Variants in CELF2 observed in about 807,000 individuals in gnomAD.
CELF2 encodes CUGBP Elav-like family member 2.
Under a neutral mutation model 62.6 loss-of-function variants are expected in CELF2, and 8 were observed. The ratio of observed to expected loss-of-function variants is 0.13; its 90% CI spans 0.07 to 0.23. CELF2 has a LOEUF of 0.23. CELF2 is among the 10% of genes least tolerant of loss of function. CELF2 has a pLI of 1.00. For synonymous variants in CELF2, 258 were observed against 250.0 expected (o/e 1.03, Z -0.30); for missense variants, 333 against 671.0 (o/e 0.50, Z 5.56).
At chr10:11,061,331 T>C (rs2066673241) in intron 1 of CELF2, among the ~76,000 whole-genome samples, 1 of 152,184 alleles carries the variant, frequency 6.6e-6, no homozygotes. Context: ...CTTCAATTCT[T>C]TGAAGGATGA....
At chr10:10,694,208 T>G in the CELF2 span, among the ~76,000 whole-genome samples, 146 of 152,240 alleles carry the variant, frequency 9.6e-4, no homozygotes, top group Non-Finnish European at 1.5e-3. Context: ...TCTGGTATGT[T>G]GTGTCTTTGT....
chr10:11,027,968 G>A (rs1448406427), intron 1 of CELF2, among the ~76,000 whole-genome samples: 1 of 152,152 alleles, frequency 6.6e-6, no homozygotes, highest in East Asian at 1.9e-4. Context: ...CGCATTTCCC[G>A]GGAGAATCAA....
chr10:10,462,622 T>C, the CELF2 span, among the ~76,000 whole-genome samples: 1 of 147,232 alleles, frequency 6.8e-6, no homozygotes, highest in Admixed American at 6.8e-5. Flanking sequence ...CATCTTTTTT[T>C]TTTTTTTTTT....
intron 1 of CELF2, among the ~76,000 whole-genome samples, chr10:10,914,132 A>C (rs1247529663): frequency 7.8e-5 from 1 of 12,840 alleles, no homozygotes; most frequent in Non-Finnish European, 2.8e-4. Flanking sequence ...ACCTTTTTTT[A>C]AAAAAAAAAA....
At chr10:10,709,033 T>C in the CELF2 span, among the ~76,000 whole-genome samples, 2 of 152,232 alleles carry the variant, frequency 1.3e-5, no homozygotes, top group Non-Finnish European at 2.9e-5. Flanking sequence ...ACGTATGCAA[T>C]ATATGCTTAA....
intron 1 of CELF2, among the ~76,000 whole-genome samples, chr10:11,033,859 C>T (rs566816212): frequency 4.6e-5 from 7 of 152,256 alleles, no homozygotes; most frequent in South Asian, 2.1e-4. Flanking sequence ...TTAGGACTTA[C>T]GAGTTACAAG....
At chr10:11,228,522 A>G (rs1264110125) in intron 3 of CELF2, among the ~76,000 whole-genome samples, 2 of 152,226 alleles carry the variant, frequency 1.3e-5, no homozygotes, top group African/African-American at 2.4e-5. Flanking sequence ...ATGATAAGAA[A>G]GAGACCTTTC....
intron 2 of CELF2, among the ~76,000 whole-genome samples, chr10:10,932,729 A>T (rs966100831): frequency 6.6e-6 from 1 of 152,006 alleles, no homozygotes; most frequent in East Asian, 1.9e-4. Context: ...ATTAAGTAAC[A>T]TATACCTGGA....
intron 1 of CELF2, among the ~76,000 whole-genome samples, chr10:10,807,901 T>C (rs994587940): frequency 6.6e-6 from 1 of 152,188 alleles, no homozygotes; most frequent in Admixed American, 6.5e-5. Flanking sequence ...CAAGGTTATG[T>C]AAGCAATGAC....
the CELF2 span, among the ~76,000 whole-genome samples, chr10:10,755,288 T>C: frequency 0.37 from 56,116 of 152,114 alleles, 10,880 homozygotes; most frequent in African/African-American, 0.44. Context: ...CTCATATTCA[T>C]ATTTATCTTC....
At chr10:10,645,342 C>A in the CELF2 span, among the ~76,000 whole-genome samples, 1 of 152,158 alleles carries the variant, frequency 6.6e-6, no homozygotes, top group South Asian at 2.1e-4. Flanking sequence ...ACTTTTAAAC[C>A]TTTGTCGCAA....
chr10:10,470,047 T>C, the CELF2 span, among the ~76,000 whole-genome samples: 1 of 151,938 alleles, frequency 6.6e-6, no homozygotes, highest in African/African-American at 2.4e-5. Context: ...TTTCAGATTT[T>C]AAGATTAGGG....
intron 2 of CELF2, among the ~76,000 whole-genome samples, chr10:10,989,835 C>T (rs1269602149): frequency 6.6e-6 from 1 of 151,904 alleles, no homozygotes; most frequent in Non-Finnish European, 1.5e-5. Context: ...CATAAACTGA[C>T]CATAAAAGTA....
At chr10:11,050,253 A>G (rs1013721240) in intron 1 of CELF2, among the ~76,000 whole-genome samples, 7 of 152,256 alleles carry the variant, frequency 4.6e-5, no homozygotes, top group African/African-American at 1.7e-4. Flanking sequence ...GTGTTCAGAG[A>G]GAAGTCCAGT....
Position 11,071,308 on chromosome 10 carries a change from A to G in CELF2, c.74+53145A>G, listed in dbSNP as rs115071933. 3.8e-3 allele frequency among the ~76,000 whole-genome samples: 579 copies of G among 152,214 alleles called. 1 individual carries two copies. Among genetic ancestry groups the G allele is most frequent in the African/African-American group, 0.013 (525 of 41,528 alleles). ...AGTTTTATTGCACCAGGCATCCAACATGTCTTATCTTGGTTTACTCTTCAC... is the reference window on the plus strand; with the variant it reads ...AGTTTTATTGCACCAGGCATCCAACGTGTCTTATCTTGGTTTACTCTTCAC... On this transcript the variant is annotated intron_variant, in intron 1 of 12. Coordinates refer to ENST00000633077, the MANE Select transcript of CELF2 (RefSeq NM_001326342.2).
At chr10:10,573,929 G>T in the CELF2 span, among the ~76,000 whole-genome samples, 1 of 152,012 alleles carries the variant, frequency 6.6e-6, no homozygotes, top group Admixed American at 6.6e-5. Context: ...TTCTGTAAAA[G>T]CCAATAAGTA....
At position 11,244,577 on chromosome 10, in the gene CELF2, C is replaced by T. The variant is rs2075031989; in HGVS notation, c.355-4576C>T. Among the ~76,000 whole-genome samples the T allele has an allele frequency of 6.6e-6, 1 of 151,902 alleles. No individual in the cohort carries two copies. On this transcript the variant is annotated intron_variant, in intron 3 of 12. Coordinates refer to ENST00000633077, the MANE Select transcript of CELF2 (RefSeq NM_001326342.2). This position sits in a 1 kb window ranked among gnomAD's most constrained non-coding sequence, Gnocchi z 4.2. Reference sequence around the variant, plus strand: ...GGCTGAGGCAGGAGAATGGCATGAACCCGGGAGGCAGAGCTTTCAGTGAGC... The same window carrying T: ...GGCTGAGGCAGGAGAATGGCATGAATCCGGGAGGCAGAGCTTTCAGTGAGC...
intron 1 of CELF2, among the ~76,000 whole-genome samples, chr10:10,918,830 AT>A (rs2064589918): frequency 6.6e-6 from 1 of 152,090 alleles, no homozygotes; most frequent in Non-Finnish European, 1.5e-5. Context: ...CACTAAGGAG[AT>A]TTTATACCAT....
At chr10:10,482,123 G>A in the CELF2 span, among the ~76,000 whole-genome samples, 3 of 152,188 alleles carry the variant, frequency 2.0e-5, no homozygotes, top group South Asian at 6.2e-4. Context: ...GGTTTGCATA[G>A]TAAATGTCTT....
Sources: allele counts gnomAD v4.1 joint callset (sites outside exome capture counted in the v4.1 genomes callset), GRCh38; gene constraint gnomAD v4.1.1; non-coding constraint Gnocchi (gnomAD v3.1); transcripts MANE v1.5; gene names NCBI Gene and HGNC (gene_info 2026-07-23, HGNC 2026-07-21).